Variants in KCNIP4 observed in about 807,000 individuals in gnomAD.
The protein encoded by KCNIP4 is potassium voltage-gated channel interacting protein 4.
A neutral mutation model predicts 34.0 loss-of-function variants in KCNIP4; 12 were observed. The observed-to-expected ratio is 0.35, with a 90% confidence interval of 0.23 to 0.57. The LOEUF (loss-of-function observed/expected upper bound fraction) is 0.57. KCNIP4 is among the 20% of genes least tolerant of loss of function. KCNIP4 has a pLI of 0.83. For synonymous variants in KCNIP4, 124 were observed against 102.2 expected (o/e 1.21, Z -1.29); for missense variants, 238 against 311.7 (o/e 0.76, Z 1.78).
intron 1 of KCNIP4, among the ~76,000 whole-genome samples, chr4:21,921,588 T>C (rs977781706): frequency 9.9e-5 from 15 of 152,260 alleles, no homozygotes; most frequent in Non-Finnish European, 1.9e-4. Context: ...GTTTTCCCCA[T>C]GTCAGTAAGC....
intron 1 of KCNIP4, among the ~76,000 whole-genome samples, chr4:21,519,367 C>CATATGTGTGTATATGTATGTGTATATAT (rs1735072735): frequency 1.4e-4 from 19 of 131,944 alleles, no homozygotes; most frequent in African/African-American, 4.9e-4. Flanking sequence ...CACACACACA[C>CATATGTGTGTATATGTATGTGTATATAT]ACACACGTAT....
intron 3 of KCNIP4, among the ~76,000 whole-genome samples, chr4:20,792,027 A>C (rs918451662): frequency 6.6e-6 from 1 of 152,182 alleles, no homozygotes; most frequent in Non-Finnish European, 1.5e-5. Context: ...ATATACATCT[A>C]TACACGTTAT....
intron 2 of KCNIP4, among the ~76,000 whole-genome samples, chr4:20,867,510 A>G (rs945874934): frequency 1.3e-5 from 2 of 152,144 alleles, no homozygotes; most frequent in Admixed American, 6.6e-5. Flanking sequence ...CTTTCAACAT[A>G]TACTAAAGTT....
At chr4:21,032,155 A>G (rs1741080475) in intron 1 of KCNIP4, among the ~76,000 whole-genome samples, 1 of 152,166 alleles carries the variant, frequency 6.6e-6, no homozygotes, top group Non-Finnish European at 1.5e-5. Context: ...CTTTAAAGAT[A>G]TCGCTCACTC....
At chr4:21,396,628 G>T (rs1395702621) in intron 1 of KCNIP4, among the ~76,000 whole-genome samples, 1 of 150,666 alleles carries the variant, frequency 6.6e-6, no homozygotes, top group Non-Finnish European at 1.5e-5. Context: ...GATAGTTCAG[G>T]ATGGAACTAG....
At chr4:20,765,235 A>G (rs1755292975) in intron 3 of KCNIP4, among the ~76,000 whole-genome samples, 2 of 152,312 alleles carry the variant, frequency 1.3e-5, no homozygotes, top group South Asian at 2.1e-4. Context: ...CTCTGACTCC[A>G]TGAATTGCAA....
chr4:21,130,102 G>A (rs1163206362), intron 1 of KCNIP4, among the ~76,000 whole-genome samples: 3 of 151,484 alleles, frequency 2.0e-5, no homozygotes, highest in African/African-American at 4.8e-5. Context: ...ATTTTTTACT[G>A]TTCCTTTTTT....
intron 1 of KCNIP4, among the ~76,000 whole-genome samples, chr4:20,975,966 C>A (rs1735452338): frequency 6.6e-6 from 1 of 152,174 alleles, no homozygotes; most frequent in Admixed American, 6.5e-5. Flanking sequence ...TTATCTACGG[C>A]TGCTTTTGTG....
intron 1 of KCNIP4, among the ~76,000 whole-genome samples, chr4:21,757,172 AAGGAAGGAAGGAAGGAAG>A (rs1717650794): frequency 3.1e-5 from 1 of 32,228 alleles, no homozygotes; most frequent in African/African-American, 1.8e-4. Flanking sequence ...AGAAAGAAGG[AAGGAAGGAAGGAAGGAAG>A]GAAGGAAGGA....
Position 20,728,647 on chromosome 4 carries a change from T to TGAAATACAAAATGTGCACA in KCNIP4, c.*1416_*1434dup, listed in dbSNP as rs1466825101. ...TTATTTTGCTTTTATTTTTTCTTTT[T>TGAAATACAAAATGTGCACA]GAAATACAAAATGTGCACATTGAGT... is the stretch of plus-strand genomic sequence containing the variant. On this transcript the variant is annotated 3_prime_UTR_variant, in exon 9 of 9. Coordinates refer to ENST00000382152, the MANE Select transcript of KCNIP4 (RefSeq NM_025221.6). 6.6e-6 allele frequency: 1 copy of TGAAATACAAAATGTGCACA among 152,622 alleles called. No individual in the cohort carries two copies. The highest frequency in any genetic ancestry group is 1.5e-5 in the Non-Finnish European group (1 of 68,026). The allele number at this position is 152,622 out of a possible 1,614,324, so 9.5% of individuals were successfully genotyped here. A position where few individuals can be genotyped will look rare whatever the true frequency, so the allele number is the denominator to read the frequency against.
At chr4:21,447,473 T>G (rs901811465) in intron 1 of KCNIP4, among the ~76,000 whole-genome samples, 11 of 152,294 alleles carry the variant, frequency 7.2e-5, no homozygotes, top group African/African-American at 2.6e-4. Context: ...TAATTTATCA[T>G]AGCAGCCACA....
intron 1 of KCNIP4, among the ~76,000 whole-genome samples, chr4:21,713,824 T>C (rs1713935904): frequency 6.6e-6 from 1 of 152,018 alleles, no homozygotes; most frequent in Non-Finnish European, 1.5e-5. Context: ...ACACTGGCTT[T>C]CTAGTCAATG....
At chr4:21,520,159 T>A (rs142588745) in intron 1 of KCNIP4, among the ~76,000 whole-genome samples, 5 of 152,202 alleles carry the variant, frequency 3.3e-5, no homozygotes, top group African/African-American at 1.2e-4. Flanking sequence ...AGATTAAGAC[T>A]GGGTTTGCCT....
intron 1 of KCNIP4, chr4:21,850,129 A>G (rs1724283696): frequency 6.6e-6 from 1 of 152,104 alleles, no homozygotes; most frequent in Admixed American, 6.6e-5. Flanking sequence ...CTAAATTAAA[A>G]AAAAAATTTA....
chr4:21,168,510 T>G lies in KCNIP4; in HGVS notation c.62-285801A>C, dbSNP rs558795888. ...CCATAGGCTAGATAGGCTATGGAAATGGATATGCAAATAAAGGACAGCTTT... is the reference window on the plus strand; with the variant it reads ...CCATAGGCTAGATAGGCTATGGAAAGGGATATGCAAATAAAGGACAGCTTT... On this transcript the variant is annotated intron_variant, in intron 1 of 8. Coordinates refer to ENST00000382152, the MANE Select transcript of KCNIP4 (RefSeq NM_025221.6). Among the ~76,000 whole-genome samples, 27 of 152,286 alleles carry G rather than the reference T, an allele frequency of 1.8e-4. No homozygotes were observed. The Middle Eastern group carries it at 0.01, about 58-fold the overall frequency.
chr4:21,370,413 C>T (rs891326588), intron 1 of KCNIP4, among the ~76,000 whole-genome samples: 5 of 146,392 alleles, frequency 3.4e-5, no homozygotes, highest in African/African-American at 5.5e-5. Flanking sequence ...TTCCTGCCAA[C>T]GTGGACCTTA....
chr4:21,179,076 C>T (rs1008827891), intron 1 of KCNIP4, among the ~76,000 whole-genome samples: 8 of 152,174 alleles, frequency 5.3e-5, no homozygotes, highest in Non-Finnish European at 1.2e-4. Context: ...CTTGGCCTCC[C>T]AAAGTGCTGT....
chr4:21,355,949 C>G (rs1383209301), intron 1 of KCNIP4, among the ~76,000 whole-genome samples: 2 of 152,134 alleles, frequency 1.3e-5, no homozygotes, highest in East Asian at 1.9e-4. Context: ...AAAAGCTTAT[C>G]CACCATGATC....
intron 1 of KCNIP4, among the ~76,000 whole-genome samples, chr4:21,596,623 C>T (rs1403710942): frequency 6.6e-6 from 1 of 152,126 alleles, no homozygotes; most frequent in East Asian, 1.9e-4. Flanking sequence ...CTTGCCTCCA[C>T]CTGGCTTTGA....
Sources: allele counts gnomAD v4.1 joint callset (sites outside exome capture counted in the v4.1 genomes callset), GRCh38; gene constraint gnomAD v4.1.1; transcripts MANE v1.5; gene names NCBI Gene and HGNC (gene_info 2026-07-23, HGNC 2026-07-21).